AHI1: variants seen among roughly 807,000 people sequenced by gnomAD.
AHI1 encodes the protein Abelson helper integration site 1, also known as jouberin.
In AHI1, 123 loss-of-function variants were observed where a neutral mutation model predicts 149.3. The ratio of observed to expected loss-of-function variants is 0.82; its 90% confidence interval spans 0.71 to 0.96. AHI1 has a LOEUF of 0.96. AHI1 is among the 40% of genes least tolerant of loss of function. The probability of loss-of-function intolerance (pLI) is 0.00; values close to 1 mark genes in which losing one functional copy is unlikely to be tolerated. For synonymous variants in AHI1, 475 were observed against 459.8 expected (o/e 1.03, Z -0.42); for missense variants, 1,439 against 1,422.7 (o/e 1.01, Z -0.18).
At position 135,448,290 on chromosome 6, in the gene AHI1, A is replaced by C; in HGVS notation, c.1626T>G (p.Cys542Trp). 1 of 1,572,236 alleles carries C rather than the reference A, an allele frequency of 6.4e-7. No homozygotes were observed. Among genetic ancestry groups the C allele is most frequent in the Non-Finnish European group, 8.7e-7 (1 of 1,152,512 alleles). Residue 542 changes from cysteine (C) to tryptophan (W), a missense_variant and splice_region_variant, in exon 12 of 29, where the codon TGT becomes TGG. Transcript: ENST00000265602. ...CACTTAATATGTACTATTAACTTACACAGTCTGGAACTTTCAGTCCTCTTA... is the reference window on the plus strand; with the variant it reads ...CACTTAATATGTACTATTAACTTACCCAGTCTGGAACTTTCAGTCCTCTTA... ...VTVRGLKVPD[C>W]IKPSYRSMMA...
chr6:135,294,970 C>T (rs1049477153), intron 27 of AHI1, among the ~76,000 whole-genome samples: 2 of 152,034 alleles, frequency 1.3e-5, no homozygotes, highest in Admixed American at 1.3e-4. Context: ...CTTCAAAAGT[C>T]ACTGCTAAAA....
chr6:135,445,352 T>C (rs1228620619), intron 13 of AHI1, among the ~76,000 whole-genome samples: 1 of 152,198 alleles, frequency 6.6e-6, no homozygotes, highest in Non-Finnish European at 1.5e-5. Context: ...CAAAATTGTA[T>C]CAGCAATGCT....
rs997663161 is a variant in AHI1, at chr6:135,356,541, T to C, written c.3165+1591A>G. Among the ~76,000 whole-genome samples, 6 of 152,292 alleles carry C rather than the reference T, an allele frequency of 3.9e-5. No individual in the cohort carries two copies. In the South Asian group the frequency reaches 1.2e-3, roughly 32 times the overall value. ...TTGGGGAGAGAGGTAGTAACATCCTTACTTTGTAGTAGAGACACAGAAGGA... is the reference window on the plus strand; with the variant it reads ...TTGGGGAGAGAGGTAGTAACATCCTCACTTTGTAGTAGAGACACAGAAGGA... On this transcript the variant is annotated intron_variant, in intron 24 of 28. Transcript: ENST00000265602.
intron 11 of AHI1, among the ~76,000 whole-genome samples, chr6:135,451,005 C>CTTT (rs5880252): frequency 6.6e-6 from 1 of 150,438 alleles, no homozygotes; most frequent in Non-Finnish European, 1.5e-5. Flanking sequence ...TGCCACTTCC[C>CTTT]TTTTTTTTTG....
intron 26 of AHI1, among the ~76,000 whole-genome samples, chr6:135,311,406 G>A (rs139179009): frequency 4.0e-5 from 6 of 151,430 alleles, no homozygotes; most frequent in South Asian, 2.1e-4. Flanking sequence ...AGACAAAGAC[G>A]TGTATTTATA....
chr6:135,401,046 A>G (rs756633156), intron 22 of AHI1, among the ~76,000 whole-genome samples: 3 of 152,102 alleles, frequency 2.0e-5, no homozygotes, highest in African/African-American at 4.8e-5. Context: ...TTGGTTTACA[A>G]TTGTTTCCCC....
intron 22 of AHI1, among the ~76,000 whole-genome samples, chr6:135,401,155 AG>A (rs1342792529): frequency 6.6e-6 from 1 of 152,178 alleles, no homozygotes. Flanking sequence ...GGACATGACT[AG>A]CTCCTTGTTA....
chr6:135,494,182 G>C (rs1314000242), intron 3 of AHI1, among the ~76,000 whole-genome samples: 1 of 152,202 alleles, frequency 6.6e-6, no homozygotes, highest in Non-Finnish European at 1.5e-5. Flanking sequence ...CCATGTCCTA[G>C]AATTAGTTTC....
At chr6:135,333,142 T>C (rs1788848368) in intron 24 of AHI1, among the ~76,000 whole-genome samples, 1 of 152,222 alleles carries the variant, frequency 6.6e-6, no homozygotes. Context: ...CTGGTACAAT[T>C]ATTACCATTT....
At chr6:135,432,887 T>C in intron 16 of AHI1, 140 bp downstream of exon 16, 1 of 618,600 alleles carries the variant, frequency 1.6e-6, no homozygotes, top group Non-Finnish European at 2.8e-6. Flanking sequence ...GTGTCATATC[T>C]ATCATATGAC....
At chr6:135,297,598 T>C (rs1562453200) in intron 27 of AHI1, 2 of 445,476 alleles carry the variant, frequency 4.5e-6, no homozygotes, top group East Asian at 1.4e-4. Context: ...AATGCTTCTT[T>C]AATATCTCTC....
At chr6:135,373,917 C>G (rs993994385) in intron 23 of AHI1, among the ~76,000 whole-genome samples, 1 of 151,698 alleles carries the variant, frequency 6.6e-6, no homozygotes, top group Admixed American at 6.6e-5. Context: ...AATATGATAC[C>G]TATGCATCCT....
chr6:135,431,157 T>C (rs1784598742), intron 17 of AHI1, 51 bp downstream of exon 17: 1 of 1,267,936 alleles, frequency 7.9e-7, no homozygotes, highest in South Asian at 1.4e-5. Flanking sequence ...TGTGATTGGA[T>C]TTTTCCAACT....
rs374702790 is a variant in AHI1 at position 135,399,607 on chromosome 6, G to A, written c.2989-4711C>T. Among the ~76,000 whole-genome samples the A allele has an allele frequency of 2.1e-3, 313 of 152,050 alleles. 4 individuals are homozygous for A. The highest frequency in any genetic ancestry group is 6.9e-3 in the African/African-American group (285 of 41,456). ...CGCTGAGCTCCTCTTCTTCCTTCACGTCACATAATTACACTGGGCAGAAAC... is the reference window on the plus strand; with the variant it reads ...CGCTGAGCTCCTCTTCTTCCTTCACATCACATAATTACACTGGGCAGAAAC... On this transcript the variant is annotated intron_variant, in intron 22 of 28. Coordinates refer to ENST00000265602, the MANE Select transcript of AHI1 (RefSeq NM_001134831.2).
intron 24 of AHI1, among the ~76,000 whole-genome samples, chr6:135,357,528 C>T (rs1375342321): frequency 6.6e-6 from 1 of 152,130 alleles, no homozygotes; most frequent in Non-Finnish European, 1.5e-5. Flanking sequence ...TGGAGAATCA[C>T]AGGAAGTACT....
chr6:135,405,111 T>C, intron 21 of AHI1, 134 bp from the exon 22 acceptor site: 1 of 694,906 alleles, frequency 1.4e-6, no homozygotes, highest in Non-Finnish European at 2.4e-6. Flanking sequence ...TATCCTGCCG[T>C]TGTCACTCTG....
chr6:135,378,168 T>C (rs898844209), intron 23 of AHI1, among the ~76,000 whole-genome samples: 1 of 152,186 alleles, frequency 6.6e-6, no homozygotes, highest in Non-Finnish European at 1.5e-5. Context: ...AATTGTTAGA[T>C]ATGTGATCTT....
chr6:135,297,353 G>A (rs1373593429), intron 27 of AHI1: 7 of 449,126 alleles, frequency 1.6e-5, no homozygotes, highest in East Asian at 7.0e-5. Context: ...CTTCATAGCC[G>A]TATGCTCCTT....
chr6:135,433,301 G>T, intron 15 of AHI1, 45 bp from the exon 16 acceptor site: 1 of 1,405,404 alleles, frequency 7.1e-7, no homozygotes, highest in Non-Finnish European at 9.8e-7. Context: ...AAAAGCAGAA[G>T]TTTCTTTTAA....
Sources: gnomAD v4.1 joint callset for allele counts (sites outside exome capture counted in the v4.1 genomes callset) on GRCh38, gnomAD v4.1.1 for gene constraint, MANE v1.5 for transcripts, NCBI Gene and HGNC (gene_info 2026-07-23, HGNC 2026-07-21) for gene names.